Variants in LUZP2 observed in about 807,000 individuals in gnomAD.
LUZP2 encodes leucine zipper protein 2.
Under a neutral mutation model 51.6 loss-of-function variants are expected in LUZP2, and 52 were observed. The observed-to-expected ratio is 1.01, with a 90% confidence interval of 0.81 to 1.27. The LOEUF (loss-of-function observed/expected upper bound fraction) is 1.27, where lower values mean the gene tolerates loss of function less well. Ranked by LOEUF, LUZP2 falls within the 50% of genes most tolerant of loss-of-function variation. LUZP2 has a pLI of 0.00. For missense variants in LUZP2, 436 were observed against 395.4 expected (o/e 1.10, Z -0.87); for synonymous variants, 154 against 137.3 (o/e 1.12, Z -0.85).
intron 1 of LUZP2, among the ~76,000 whole-genome samples, chr11:24,705,732 T>G (rs1420551704): frequency 6.6e-6 from 1 of 152,116 alleles, no homozygotes; most frequent in Non-Finnish European, 1.5e-5. Context: ...TAATAAACAT[T>G]TCCTACAGTG....
chr11:24,922,404 A>G (rs758096786), intron 7 of LUZP2, among the ~76,000 whole-genome samples: 1 of 152,180 alleles, frequency 6.6e-6, no homozygotes, highest in African/African-American at 2.4e-5. Context: ...CCAGATATCT[A>G]TAAGGGAATT....
intron 9 of LUZP2, among the ~76,000 whole-genome samples, chr11:25,037,866 C>T (rs1857913395): frequency 6.6e-6 from 1 of 151,634 alleles, no homozygotes; most frequent in Admixed American, 6.6e-5. Flanking sequence ...GGTTCCCTGC[C>T]CCTTCTCTCT....
chr11:24,546,507 T>C (rs1455414054), intron 1 of LUZP2, among the ~76,000 whole-genome samples: 1 of 152,096 alleles, frequency 6.6e-6, no homozygotes. Context: ...TCAAAAGCTT[T>C]TTTTGCACCT....
intron 7 of LUZP2, among the ~76,000 whole-genome samples, chr11:24,965,346 A>T (rs924075001): frequency 6.6e-6 from 1 of 150,464 alleles, no homozygotes; most frequent in African/African-American, 2.4e-5. Context: ...CCATTTCTTC[A>T]GTTTTCTCCA....
At position 24,620,867 on chromosome 11, in the gene LUZP2, T is replaced by C. The variant is rs1298629689; in HGVS notation, c.63-108302T>C. Among the ~76,000 whole-genome samples the C allele has an allele frequency of 2.0e-5, 3 of 152,354 alleles. 1 individual carries two copies. In the East Asian group the frequency reaches 5.8e-4, roughly 29 times the overall value. ...TCATTTCACATAAATCCAGATTTAA[T>C]GTTCAGTGAGAACATATAAGATTAT... is the stretch of plus-strand genomic sequence containing the variant. On this transcript the variant is annotated intron_variant, in intron 1 of 11. Transcript: ENST00000336930.
At position 24,622,738 on chromosome 11, in the gene LUZP2, C is replaced by T. The variant is rs7947145; in HGVS notation, c.63-106431C>T. Among the ~76,000 whole-genome samples the T allele has an allele frequency of 9.6e-3, 1,456 of 152,210 alleles. 22 individuals carry two copies. Among genetic ancestry groups the T allele is most frequent in the African/African-American group, 0.033 (1,363 of 41,536 alleles). On this transcript the variant is annotated intron_variant, in intron 1 of 11. Coordinates refer to ENST00000336930, the MANE Select transcript of LUZP2 (RefSeq NM_001009909.4). ...ATTAAAACTAGGAATAATAATACATCCCACTTCCTAGGATTATTTTGAAGA... is the reference window on the plus strand; with the variant it reads ...ATTAAAACTAGGAATAATAATACATTCCACTTCCTAGGATTATTTTGAAGA...
intron 5 of LUZP2, chr11:24,891,200 A>G (rs1852843338): frequency 4.2e-5 from 41 of 984,960 alleles, no homozygotes; most frequent in Non-Finnish European, 4.7e-5. Context: ...AGTGTGATGA[A>G]GCATACCCTT....
At chr11:25,054,315 C>T (rs769834855) in intron 10 of LUZP2, among the ~76,000 whole-genome samples, 35 of 152,178 alleles carry the variant, frequency 2.3e-4, no homozygotes, top group Non-Finnish European at 4.1e-4. Context: ...TTCTGAAACA[C>T]ACAAGCTTTT....
chr11:24,534,483 A>T (rs1851109435), intron 1 of LUZP2, among the ~76,000 whole-genome samples: 1 of 147,602 alleles, frequency 6.8e-6, no homozygotes, highest in Non-Finnish European at 1.5e-5. Flanking sequence ...GTAGGTATGT[A>T]AATATATAGA....
chr11:24,757,549 G>A (rs1223149771), intron 4 of LUZP2, among the ~76,000 whole-genome samples: 1 of 151,942 alleles, frequency 6.6e-6, no homozygotes, highest in Non-Finnish European at 1.5e-5. Flanking sequence ...AATTCAAGAA[G>A]TTGGTTAAAA....
chr11:24,842,688 G>A (rs1186469727), intron 5 of LUZP2, among the ~76,000 whole-genome samples: 2 of 151,708 alleles, frequency 1.3e-5, no homozygotes, highest in African/African-American at 2.4e-5. Context: ...GGTCAGGGAA[G>A]AAATAATAAT....
At position 25,079,768 on chromosome 11, in the gene LUZP2, G is replaced by A. The variant is rs1327112881; in HGVS notation, c.*1110G>A. On this transcript the variant is annotated 3_prime_UTR_variant, in exon 12 of 12. Coordinates refer to ENST00000336930, the MANE Select transcript of LUZP2 (RefSeq NM_001009909.4). The stretch of plus-strand genomic sequence containing the variant: ...CTCAGTTAATGACTACAGTTAAGTT[G>A]TCTGGACTGAAAAGTCATTTCTTTT... 2.0e-5 allele frequency: 3 copies of A among 152,144 alleles called. No individual in the cohort carries two copies. In the East Asian group the frequency reaches 5.8e-4, roughly 29 times the overall value. 9.4% of individuals were successfully genotyped at this position (152,144 alleles called of 1,614,324 possible).
At chr11:24,815,012 AT>A (rs1196560334) in intron 5 of LUZP2, among the ~76,000 whole-genome samples, 112 of 151,302 alleles carry the variant, frequency 7.4e-4, no homozygotes, top group Middle Eastern at 3.4e-3. Context: ...AAAAATAAAA[AT>A]AATCAATGTG....
At chr11:24,621,742 G>A (rs78809436) in intron 1 of LUZP2, among the ~76,000 whole-genome samples, 27,835 of 151,982 alleles carry the variant, frequency 0.18, 2,863 homozygotes, top group African/African-American at 0.27. Flanking sequence ...AGAGTGATGC[G>A]GTATCTGCTT....
At chr11:24,895,573 C>T (rs1182496650) in intron 5 of LUZP2, among the ~76,000 whole-genome samples, 1 of 152,224 alleles carries the variant, frequency 6.6e-6, no homozygotes, top group Non-Finnish European at 1.5e-5. Context: ...TCCATGAGTA[C>T]ACAATATTTA....
At chr11:24,865,313 A>G (rs1851858093) in intron 5 of LUZP2, among the ~76,000 whole-genome samples, 1 of 152,214 alleles carries the variant, frequency 6.6e-6, no homozygotes, top group African/African-American at 2.4e-5. Context: ...GTTTTTGTTA[A>G]TACTATTGCC....
chr11:24,902,814 T>C (rs539168805), intron 5 of LUZP2, among the ~76,000 whole-genome samples: 7 of 152,284 alleles, frequency 4.6e-5, no homozygotes, highest in Middle Eastern at 3.4e-3. Flanking sequence ...ATTTATATCA[T>C]TCAGATCAAC....
intron 1 of LUZP2, among the ~76,000 whole-genome samples, chr11:24,566,619 G>T (rs1590188246): frequency 2.2e-5 from 3 of 135,786 alleles, no homozygotes; most frequent in Non-Finnish European, 4.6e-5. Flanking sequence ...TGTATGTATA[G>T]ATATACACAC....
intron 6 of LUZP2, among the ~76,000 whole-genome samples, chr11:24,912,570 A>G (rs558480574): frequency 8.5e-5 from 13 of 152,254 alleles, no homozygotes; most frequent in African/African-American, 2.9e-4. Flanking sequence ...GCACTTTGGG[A>G]TGCTGAGGTG....
Sources: gnomAD v4.1 joint callset for allele counts (sites outside exome capture counted in the v4.1 genomes callset) on GRCh38, gnomAD v4.1.1 for gene constraint, MANE v1.5 for transcripts, NCBI Gene and HGNC (gene_info 2026-07-23, HGNC 2026-07-21) for gene names.